TPTE2: variants seen among roughly 807,000 people sequenced by gnomAD.
The protein encoded by TPTE2 is phosphatidylinositol 3,4,5-trisphosphate 3-phosphatase TPTE2.
In TPTE2, 53 loss-of-function variants were observed where a neutral mutation model predicts 78.6. The ratio of observed to expected loss-of-function variants is 0.67; its 90% CI spans 0.54 to 0.85. TPTE2 has a LOEUF of 0.85. TPTE2 is among the 40% of genes least tolerant of loss of function. TPTE2 has a pLI of 0.00. For missense variants in TPTE2, 461 were observed against 623.0 expected (o/e 0.74, Z 2.77); for synonymous variants, 175 against 206.2 (o/e 0.85, Z 1.30).
chr13:19,512,680 G>A (rs966208491), intron 1 of TPTE2, among the ~76,000 whole-genome samples: 4 of 151,994 alleles, frequency 2.6e-5, no homozygotes, highest in African/African-American at 9.7e-5. Flanking sequence ...CTGGATTCAA[G>A]TGATCCTTCT....
upstream of TPTE2, among the ~76,000 whole-genome samples, chr13:19,537,991 CT>C (rs761041642): frequency 6.6e-6 from 1 of 152,112 alleles, no homozygotes. Flanking sequence ...ATAAATGGTA[CT>C]TTTGGCTACA....
intron 1 of TPTE2, among the ~76,000 whole-genome samples, chr13:19,510,377 A>C (rs1869353348): frequency 6.6e-6 from 1 of 151,482 alleles, no homozygotes; most frequent in South Asian, 2.1e-4. Context: ...AGATAGACGA[A>C]GGGGAACTGA....
chr13:19,521,432 T>A (rs2137720619), intron 1 of TPTE2, among the ~76,000 whole-genome samples: 1 of 152,132 alleles, frequency 6.6e-6, no homozygotes, highest in Middle Eastern at 3.4e-3. Flanking sequence ...GCTTGTTATA[T>A]CTTTTTCTAT....
upstream of TPTE2, among the ~76,000 whole-genome samples, chr13:19,539,270 G>C (rs550773348): frequency 6.6e-6 from 1 of 152,320 alleles, no homozygotes; most frequent in African/African-American, 2.4e-5. Flanking sequence ...ATCTCACCTT[G>C]AATTGTAGCT....
chr13:19,537,488 C>T (rs932715599), upstream of TPTE2, among the ~76,000 whole-genome samples: 1 of 152,044 alleles, frequency 6.6e-6, no homozygotes, highest in African/African-American at 2.4e-5. Flanking sequence ...CCACTTCAGC[C>T]TCCCAAAGTG....
intron 1 of TPTE2, 105 bp downstream of exon 4, chr13:19,503,119 G>A: frequency 6.7e-7 from 1 of 1,493,480 alleles, no homozygotes; most frequent in Non-Finnish European, 9.2e-7. Flanking sequence ...ATGGATGGAT[G>A]CATGGATGCA....
Position 19,465,448 on chromosome 13 carries a change from A to G in TPTE2, c.612+17T>C. On this transcript the variant is annotated intron_variant, in intron 8 of 19. Transcript: ENST00000400230. ...CAAAATATTTTTCTGAATCATAAGC[A>G]TGTTTTGCCCACTTACCAGCCTTCT... is the stretch of plus-strand genomic sequence containing the variant. 2 of 1,609,252 alleles carry G rather than the reference A, an allele frequency of 1.2e-6. No homozygotes were observed. Among genetic ancestry groups the G allele is most frequent in the Non-Finnish European group, 1.7e-6 (2 of 1,178,394 alleles).
upstream of TPTE2, among the ~76,000 whole-genome samples, chr13:19,539,088 C>T (rs1329554779): frequency 9.2e-5 from 14 of 152,126 alleles, no homozygotes. Context: ...CATGATAGCC[C>T]ATTAATCCAT....
intron 15 of TPTE2, among the ~76,000 whole-genome samples, chr13:19,434,758 C>T (rs1323714841): frequency 3.3e-5 from 5 of 152,152 alleles, no homozygotes; most frequent in East Asian, 3.8e-4. Flanking sequence ...AACTCATTTA[C>T]AGCCACATCC....
the TPTE2 span, among the ~76,000 whole-genome samples, chr13:19,549,814 A>G: frequency 1.1e-5 from 1 of 91,832 alleles, no homozygotes; most frequent in African/African-American, 2.7e-5. Flanking sequence ...ATGGAATACT[A>G]TGCAGCTACA....
intron 11 of TPTE2, 51 bp from the exon 15 acceptor site, chr13:19,450,395 A>G: frequency 6.6e-7 from 1 of 1,506,002 alleles, no homozygotes; most frequent in Non-Finnish European, 9.1e-7. Context: ...AACATGATAA[A>G]TGATGAAGTT....
At chr13:19,547,081 AG>A in the TPTE2 span, among the ~76,000 whole-genome samples, 9 of 100,052 alleles carry the variant, frequency 9.0e-5, no homozygotes, top group Admixed American at 4.9e-4. Context: ...AGATGCTAAA[AG>A]TTACCAAAAA....
chr13:19,507,065 G>A (rs1290121252), upstream of TPTE2, among the ~76,000 whole-genome samples: 1 of 152,016 alleles, frequency 6.6e-6, no homozygotes, highest in Non-Finnish European at 1.5e-5. Context: ...TTTAACATTT[G>A]CGTGTATCTT....
chr13:19,428,341 G>T (rs1422978249), intron 17 of TPTE2, among the ~76,000 whole-genome samples: 2 of 152,106 alleles, frequency 1.3e-5, no homozygotes, highest in Admixed American at 6.6e-5. Flanking sequence ...CCAGCTACTT[G>T]GGAGGCGGAG....
At chr13:19,435,465 G>C (rs1345923936) in intron 15 of TPTE2, among the ~76,000 whole-genome samples, 1 of 152,132 alleles carries the variant, frequency 6.6e-6, no homozygotes, top group Non-Finnish European at 1.5e-5. Flanking sequence ...GGAAAGAACG[G>C]ATGAAACGTG....
exon 14 of TPTE2, chr13:19,438,132 C>T: frequency 6.2e-7 from 1 of 1,609,908 alleles, no homozygotes; most frequent in South Asian, 1.1e-5. Flanking sequence ...AAGGAGGGCA[C>T]AAACCATAGT....
chr13:19,446,887 G>A (rs1206606900), intron 13 of TPTE2, among the ~76,000 whole-genome samples: 1 of 152,168 alleles, frequency 6.6e-6, no homozygotes, highest in African/African-American at 2.4e-5. Context: ...AGGCTGCAAT[G>A]AGCTGAGATC....
chr13:19,438,849 A>G (rs931844140), intron 13 of TPTE2, among the ~76,000 whole-genome samples: 1 of 152,226 alleles, frequency 6.6e-6, no homozygotes, highest in African/African-American at 2.4e-5. Context: ...AGCAGCCCTC[A>G]GGACAGCATT....
chr13:19,428,119 C>T (rs73431118), intron 17 of TPTE2, among the ~76,000 whole-genome samples: 6,349 of 152,060 alleles, frequency 0.042, 478 homozygotes, highest in African/African-American at 0.14. Flanking sequence ...TTAGTCCAAA[C>T]GGAGAGAAAA....
Sources: gnomAD v4.1 joint callset for allele counts (sites outside exome capture counted in the v4.1 genomes callset) on GRCh38, gnomAD v4.1.1 for gene constraint, MANE v1.5 for transcripts, NCBI Gene and HGNC (gene_info 2026-07-23, HGNC 2026-07-21) for gene names.